Variants in CHST10 observed in about 807,000 individuals in gnomAD.
CHST10 encodes carbohydrate sulfotransferase 10.
Under a neutral mutation model 34.7 loss-of-function variants are expected in CHST10, and 24 were observed. The ratio of observed to expected loss-of-function variants is 0.69; its 90% confidence interval spans 0.50 to 0.97. The LOEUF (loss-of-function observed/expected upper bound fraction) is 0.97, where lower values mean the gene tolerates loss of function less well. Among genes scored for constraint, CHST10 ranks in the 50% least tolerant of loss-of-function variants. The pLI, the probability that CHST10 is intolerant of heterozygous loss-of-function variation, is 0.00. For synonymous variants in CHST10, 161 were observed against 169.3 expected (o/e 0.95, Z 0.38); for missense variants, 402 against 452.1 (o/e 0.89, Z 1.00).
Position 100,393,171 on chromosome 2 carries a change from C to A in CHST10, c.*74G>T. On this transcript the variant is annotated 3_prime_UTR_variant, in exon 7 of 7. Coordinates refer to ENST00000264249, the MANE Select transcript of CHST10 (RefSeq NM_004854.5). ...AGGAGGGGTGTGGTGGAGGAAGGGT[C>A]ATTTCTGGGCTCAGATCTTCACCTG... 6.6e-7 allele frequency: 1 copy of A among 1,513,024 alleles called. No individual in the cohort carries two copies. Among genetic ancestry groups the A allele is most frequent in the Non-Finnish European group, 9.0e-7 (1 of 1,109,490 alleles). 93.7% of individuals were successfully genotyped at this position (1,513,024 alleles called of 1,614,324 possible). A position where few individuals can be genotyped will look rare whatever the true frequency, so the allele number is the denominator to read the frequency against.
intron 2 of CHST10, among the ~76,000 whole-genome samples, chr2:100,409,329 A>T (rs1675720414): frequency 6.6e-6 from 1 of 152,182 alleles, no homozygotes; most frequent in Admixed American, 6.5e-5. Context: ...CTTACCTGAA[A>T]ATGAATAGCA....
At chr2:100,411,997 G>C (rs112326481) in intron 2 of CHST10, among the ~76,000 whole-genome samples, 321 of 152,326 alleles carry the variant, frequency 2.1e-3, no homozygotes, top group African/African-American at 7.1e-3. Context: ...AGACAACATG[G>C]GGCCTGCCAG....
At position 100,408,863 on chromosome 2, in the gene CHST10, C is replaced by T. The variant is rs554879931; in HGVS notation, c.-32-2156G>A. Among the ~76,000 whole-genome samples the T allele has an allele frequency of 2.6e-5, 4 of 151,802 alleles. No individual in the cohort carries two copies. The South Asian group carries it at 8.3e-4, about 32-fold the overall frequency. On this transcript the variant is annotated intron_variant, in intron 2 of 6. Transcript: ENST00000264249. ...AGTGAGAGCACCCCCCTGAAAAATG[C>T]CAGCTGCAGGCCATTTCTAACCAAG...
chr2:100,415,990 T>C (rs1486000624), intron 1 of CHST10: 1 of 152,204 alleles, frequency 6.6e-6, no homozygotes, highest in Non-Finnish European at 1.5e-5. Flanking sequence ...TGGTAAGTAT[T>C]TGTGTATCTA....
At chr2:100,398,354 C>T (rs992725064) in intron 4 of CHST10, among the ~76,000 whole-genome samples, 1 of 151,954 alleles carries the variant, frequency 6.6e-6, no homozygotes, top group African/African-American at 2.4e-5. Context: ...GCAGGCTGGG[C>T]AAGGAAAATG....
chr2:100,401,999 T>G (rs985062483), intron 4 of CHST10, among the ~76,000 whole-genome samples: 2 of 152,010 alleles, frequency 1.3e-5, no homozygotes, highest in African/African-American at 4.8e-5. Flanking sequence ...TAGGGAATGA[T>G]CAGGAATTTA....
At chr2:100,400,686 C>T (rs765883777) in intron 4 of CHST10, among the ~76,000 whole-genome samples, 95 of 152,032 alleles carry the variant, frequency 6.2e-4, no homozygotes, top group Non-Finnish European at 1.0e-3. Context: ...ACAAAGTAAA[C>T]TTTTTTTCTG....
intron 3 of CHST10, among the ~76,000 whole-genome samples, chr2:100,405,163 C>T (rs1248435888): frequency 6.6e-6 from 1 of 152,238 alleles, no homozygotes; most frequent in Admixed American, 6.5e-5. Context: ...ATCATCGTGT[C>T]ACATTCCAGC....
At chr2:100,404,115 T>G (rs1675460402) in intron 3 of CHST10, among the ~76,000 whole-genome samples, 1 of 152,220 alleles carries the variant, frequency 6.6e-6, no homozygotes, top group African/African-American at 2.4e-5. Context: ...ACCTTCAGGA[T>G]CCTAACCTAA....
rs1003961945 is a variant in CHST10 at position 100,417,391 on chromosome 2, C to G, written c.-121G>C. On this transcript the variant is annotated 5_prime_UTR_variant, in exon 1 of 7. Coordinates refer to ENST00000264249, the MANE Select transcript of CHST10 (RefSeq NM_004854.5). ...GAGCTCACCCTACTGGAGCGGCGCT[C>G]GTCCGGGTCCTTAGGCTCCTCCCCT... is the stretch of plus-strand genomic sequence containing the variant. The G allele has an allele frequency of 1.0e-5, 3 of 291,762 alleles. No individual in the cohort carries two copies. The highest frequency in any genetic ancestry group is 1.8e-4 in the East Asian group (2 of 11,056). The allele number at this position is 291,762 out of a possible 1,614,324, so 18.1% of individuals were successfully genotyped here.
chr2:100,394,668 G>A (rs1032072756), intron 6 of CHST10, among the ~76,000 whole-genome samples: 1 of 151,978 alleles, frequency 6.6e-6, no homozygotes, highest in Admixed American at 6.6e-5. Context: ...GCTCTCCTGG[G>A]CCACCTGAGA....
intron 2 of CHST10, among the ~76,000 whole-genome samples, chr2:100,410,523 A>G (rs1675787854): frequency 6.6e-6 from 1 of 152,190 alleles, no homozygotes; most frequent in Non-Finnish European, 1.5e-5. Flanking sequence ...TGAGCAACTT[A>G]CTAGAACTCA....
At chr2:100,404,258 C>T (rs1295932627) in intron 3 of CHST10, among the ~76,000 whole-genome samples, 1 of 152,184 alleles carries the variant, frequency 6.6e-6, no homozygotes, top group South Asian at 2.1e-4. Context: ...CACTGTGCGG[C>T]CAACAGCATC....
In CHST10 at chr2:100,417,378, C is replaced by G. The variant is rs532656447; in HGVS notation, c.-108G>C. ...CCTGCGCGTCCCCGAGCTCACCCTA[C>G]TGGAGCGGCGCTCGTCCGGGTCCTT... On this transcript the variant is annotated 5_prime_UTR_variant, in exon 1 of 7. Transcript: ENST00000264249. 3.1e-6 allele frequency: 1 copy of G among 317,602 alleles called. No homozygotes were observed. The highest frequency in any genetic ancestry group is 2.7e-5 in the South Asian group (1 of 37,528). The allele number at this position is 317,602 out of a possible 1,614,324, so 19.7% of individuals were successfully genotyped here.
In CHST10 at chr2:100,398,025, G is replaced by A. The variant is rs756854215; in HGVS notation, c.310C>T (p.Pro104Ser). Residue 104 changes from proline to serine, a missense_variant, in exon 5 of 7, where the codon CCT (proline) becomes TCT (serine). By Grantham distance (74) the Pro-to-Ser change is moderately conservative (BLOSUM62 -1). Coordinates refer to ENST00000264249, the MANE Select transcript of CHST10 (RefSeq NM_004854.5). ...DDALKNLSHT[P>S]VSKFVLDRIF... is the part of the protein sequence containing the mutation. ...CGGTCCAGGACAAACTTGGAGACAGGAGTGTGCGAGAGATTCTTCAGGGCA... is the reference window on the plus strand; with the variant it reads ...CGGTCCAGGACAAACTTGGAGACAGAAGTGTGCGAGAGATTCTTCAGGGCA... 6.2e-6 allele frequency: 10 copies of A among 1,614,210 alleles called. No individual in the cohort carries two copies. In the South Asian group the frequency reaches 9.9e-5, roughly 16 times the overall value.
chr2:100,401,600 A>G lies in CHST10; in HGVS notation c.192+964T>C, dbSNP rs1037062521. On this transcript the variant is annotated intron_variant, in intron 4 of 6. Transcript: ENST00000264249. ...TATTAAAGCCACTCTCCTATTTCCC[A>G]TAAGATTTTTTGGTTTCGTTTCTGT... is the stretch of plus-strand genomic sequence containing the variant. Among the ~76,000 whole-genome samples the G allele has an allele frequency of 3.3e-5, 5 of 152,226 alleles. No individual in the cohort carries two copies. In the East Asian group the frequency reaches 5.8e-4, roughly 18 times the overall value.
At chr2:100,395,736 C>T (rs578104354) in intron 5 of CHST10, 122 bp from the exon 6 acceptor site, 14 of 607,630 alleles carry the variant, frequency 2.3e-5, no homozygotes, top group Non-Finnish European at 2.9e-5. Flanking sequence ...GACAAGCCCA[C>T]CCCCAATATC....
chr2:100,402,366 G>A (rs951926348), intron 4 of CHST10, among the ~76,000 whole-genome samples, 198 bp downstream of exon 4: 1 of 152,308 alleles, frequency 6.6e-6, no homozygotes, highest in Middle Eastern at 3.4e-3. Flanking sequence ...AGAGCTCTGT[G>A]AGGGGCACAA....
intron 2 of CHST10, among the ~76,000 whole-genome samples, chr2:100,411,209 T>C (rs541881798): frequency 2.0e-5 from 3 of 151,098 alleles, no homozygotes; most frequent in South Asian, 4.2e-4. Context: ...CTGCACCTCC[T>C]GGGTTCAAGC....
Sources: gnomAD v4.1 joint callset for allele counts (sites outside exome capture counted in the v4.1 genomes callset) on GRCh38, gnomAD v4.1.1 for gene constraint, MANE v1.5 for transcripts, NCBI Gene and HGNC (gene_info 2026-07-23, HGNC 2026-07-21) for gene names.